Variants in SMG6 observed in about 807,000 individuals in gnomAD.
SMG6 encodes telomerase-binding protein EST1A.
A neutral mutation model predicts 142.2 loss-of-function variants in SMG6; 66 were observed. The observed-to-expected ratio is 0.46, with a 90% CI of 0.38 to 0.57. The LOEUF (loss-of-function observed/expected upper bound fraction) is 0.57. Ranked by LOEUF, SMG6 falls within the 20% of genes least tolerant of loss-of-function variation. SMG6 has a pLI of 0.00. For missense variants in SMG6, 1,793 were observed against 1,832.0 expected (o/e 0.98, Z 0.39); for synonymous variants, 779 against 702.4 (o/e 1.11, Z -1.72).
intron 4 of SMG6, among the ~76,000 whole-genome samples, chr17:2,296,803 G>C (rs2075151549): frequency 6.6e-6 from 1 of 152,062 alleles, no homozygotes; most frequent in African/African-American, 2.4e-5. Context: ...AGACCAGCCT[G>C]GGCAACATGA....
chr17:2,223,525 C>G (rs2073235478), intron 10 of SMG6, among the ~76,000 whole-genome samples: 1 of 152,154 alleles, frequency 6.6e-6, no homozygotes, highest in South Asian at 2.1e-4. Flanking sequence ...AACAAAAGCA[C>G]AGAGAACCCT....
intron 13 of SMG6, among the ~76,000 whole-genome samples, chr17:2,089,375 C>T (rs547585922): frequency 4.1e-4 from 62 of 152,208 alleles, no homozygotes; most frequent in Admixed American, 2.0e-3. Context: ...GGGGAGCCTA[C>T]GGACCTCTCC....
At chr17:2,083,997 C>T (rs1014952758) in intron 14 of SMG6, among the ~76,000 whole-genome samples, 3 of 151,890 alleles carry the variant, frequency 2.0e-5, no homozygotes, top group Admixed American at 6.5e-5. Context: ...AGCCTTAGAA[C>T]GAGAAAAAAA....
At chr17:2,264,575 TA>T in intron 8 of SMG6, among the ~76,000 whole-genome samples, 1 of 152,244 alleles carries the variant, frequency 6.6e-6, no homozygotes, top group Non-Finnish European at 1.5e-5. Flanking sequence ...TCTCAATTCT[TA>T]AAATAGGTGT....
chr17:2,186,501 T>C (rs1265657236), intron 12 of SMG6, among the ~76,000 whole-genome samples, 162 bp downstream of exon 12: 1 of 151,518 alleles, frequency 6.6e-6, no homozygotes, highest in East Asian at 1.9e-4. Flanking sequence ...ACCTAAAACA[T>C]CAGAGGATAG....
At chr17:2,088,475 A>G (rs2068626033) in intron 13 of SMG6, 1 of 985,186 alleles carries the variant, frequency 1.0e-6, no homozygotes, top group African/African-American at 1.7e-5. Context: ...TTCCTTGGGG[A>G]TTGTGTCTGT....
rs771587575 is a variant in SMG6 at position 2,300,457 on chromosome 17, T to C, written c.296A>G (p.Lys99Arg). ...ATTCTGCTCTTGGTTGTTCAGTTCC[T>C]TGCAGACATCTTTAACGGGCTGTGT... ...NGTQPVKDVC[K>R]ELNNQEQNGP... Residue 99 changes from lysine (K) to arginine (R), a missense_variant, in exon 2 of 19, where the codon AAG becomes AGG. This residue lies in a region of SMG6 where 1,597 missense variants were observed against 1,584.6 expected (regional missense o/e 1.01). Coordinates refer to ENST00000263073, the MANE Select transcript of SMG6 (RefSeq NM_017575.5). 1.2e-6 allele frequency: 2 copies of C among 1,614,204 alleles called. No individual in the cohort carries two copies. Among genetic ancestry groups the C allele is most frequent in the Admixed American group, 1.7e-5 (1 of 60,012 alleles).
chr17:2,115,579 C>A (rs571866376), intron 13 of SMG6, among the ~76,000 whole-genome samples: 3 of 152,312 alleles, frequency 2.0e-5, no homozygotes, highest in African/African-American at 7.2e-5. Flanking sequence ...GGCATCATTG[C>A]AGTTCAGTGG....
At chr17:2,158,670 C>G (rs1233357316) in intron 13 of SMG6, among the ~76,000 whole-genome samples, 1 of 152,146 alleles carries the variant, frequency 6.6e-6, no homozygotes. Flanking sequence ...ATAATCCCAG[C>G]ACTTTGGGAG....
rs914280253 is a variant in SMG6 at position 2,280,911 on chromosome 17, C to T, written c.2661+1736G>A. Among the ~76,000 whole-genome samples, 46 of 152,200 alleles carry T rather than the reference C, an allele frequency of 3.0e-4. 1 individual carries two copies. The Middle Eastern group carries it at 0.014, about 45-fold the overall frequency. ...CCTGCGCAACAGGGCAAGTCTCCAT[C>T]GCTACAAAAAATTAGCTGGGTGTGG... On this transcript the variant is annotated intron_variant, in intron 8 of 18. Coordinates refer to ENST00000263073, the MANE Select transcript of SMG6 (RefSeq NM_017575.5).
chr17:2,225,949 AGGGCTTAT>A (rs2073303374), intron 10 of SMG6, among the ~76,000 whole-genome samples: 7 of 152,230 alleles, frequency 4.6e-5, no homozygotes, highest in Admixed American at 4.6e-4. Flanking sequence ...AAATCGGATA[AGGGCTTAT>A]GTCCAGGTTA....
At chr17:2,302,435 G>A (rs1356120699) in intron 1 of SMG6, among the ~76,000 whole-genome samples, 2 of 152,138 alleles carry the variant, frequency 1.3e-5, no homozygotes, top group African/African-American at 4.8e-5. Flanking sequence ...AAGCTACTGG[G>A]GAGGCTGAGG....
intron 8 of SMG6, among the ~76,000 whole-genome samples, chr17:2,250,938 A>G (rs895475370): frequency 2.0e-5 from 3 of 152,166 alleles, no homozygotes; most frequent in South Asian, 2.1e-4. Flanking sequence ...TATGCTGGGC[A>G]TAAGAGGAAA....
intron 15 of SMG6, among the ~76,000 whole-genome samples, chr17:2,078,744 C>A (rs1391592233): frequency 1.3e-5 from 2 of 151,770 alleles, no homozygotes; most frequent in African/African-American, 4.8e-5. Context: ...TGGAGGAGAC[C>A]AAAAAAAGAA....
chr17:2,089,286 C>T (rs977589473), intron 13 of SMG6, among the ~76,000 whole-genome samples: 5 of 152,084 alleles, frequency 3.3e-5, no homozygotes, highest in African/African-American at 4.8e-5. Context: ...GGAGAGGCTC[C>T]CTTCCTGGGC....
chr17:2,282,945 CG>C, intron 7 of SMG6, 86 bp from the exon 8 acceptor site: 1 of 1,359,380 alleles, frequency 7.4e-7, no homozygotes, highest in South Asian at 1.2e-5. Context: ...CGGAGGCAGG[CG>C]GATCACTTGA....
At chr17:2,266,493 CAA>C (rs2074425231) in intron 8 of SMG6, among the ~76,000 whole-genome samples, 1 of 152,056 alleles carries the variant, frequency 6.6e-6, no homozygotes, top group South Asian at 2.1e-4. Flanking sequence ...AAAAAATAAA[CAA>C]AGTGACTACT....
At position 2,258,038 on chromosome 17, in the gene SMG6, TACACACACACAC is replaced by T. The variant is rs869173398; in HGVS notation, c.2662-13331_2662-13320del. Reference sequence around the variant, plus strand: ...AAAAAAAAAAAAAAAAAAAAAAATATACACACACACACACACACACACACACACATATATATA... The same window carrying T: ...AAAAAAAAAAAAAAAAAAAAAAATATACACACACACACACACATATATATA... On this transcript the variant is annotated intron_variant, in intron 8 of 18. Transcript: ENST00000263073. Among the ~76,000 whole-genome samples the T allele has an allele frequency of 2.6e-3, 228 of 89,282 alleles. 14 individuals carry two copies. Among genetic ancestry groups the T allele is most frequent in the Non-Finnish European group, 2.6e-3 (121 of 45,972 alleles). 58.6% of individuals were successfully genotyped at this position (89,282 alleles called of 152,430 possible).
chr17:2,083,872 G>C (rs1177038313), intron 14 of SMG6, among the ~76,000 whole-genome samples: 2 of 152,188 alleles, frequency 1.3e-5, no homozygotes, highest in African/African-American at 4.8e-5. Flanking sequence ...AAATTACACA[G>C]ACCAGGGTAA....
Sources: gnomAD v4.1 joint callset for allele counts (sites outside exome capture counted in the v4.1 genomes callset) on GRCh38, gnomAD v4.1.1 for gene constraint, gnomAD v4.1.1 regional missense constraint, MANE v1.5 for transcripts, NCBI Gene and HGNC (gene_info 2026-07-23, HGNC 2026-07-21) for gene names.